Variants in NEK10 observed in about 807,000 individuals in gnomAD.
NEK10 encodes the protein NIMA related kinase 10.
A neutral mutation model predicts 159.8 loss-of-function variants in NEK10; 122 were observed. That is an observed-to-expected ratio of 0.76 (90% CI 0.66 to 0.89). The LOEUF is 0.89. Among genes scored for constraint, NEK10 ranks in the 40% least tolerant of loss-of-function variants. The probability of loss-of-function intolerance (pLI) is 0.00; values close to 1 mark genes in which losing one functional copy is unlikely to be tolerated. For missense variants in NEK10, 1,342 were observed against 1,323.1 expected, an observed-to-expected ratio of 1.01 and a Z score of -0.22; for synonymous variants, 466 against 457.1, an observed-to-expected ratio of 1.02 and a Z score of -0.25.
intron 23 of NEK10, among the ~76,000 whole-genome samples, chr3:27,237,044 G>C (rs1307280170): frequency 6.6e-6 from 1 of 152,016 alleles, no homozygotes; most frequent in Non-Finnish European, 1.5e-5. Flanking sequence ...CTTCCCCTGG[G>C]TATTAATTAT....
At chr3:27,171,117 C>G (rs1946941644) in intron 29 of NEK10, among the ~76,000 whole-genome samples, 1 of 152,242 alleles carries the variant, frequency 6.6e-6, no homozygotes, top group African/African-American at 2.4e-5. Flanking sequence ...TCCCTCTAAT[C>G]TCACCCAGTG....
intron 22 of NEK10, among the ~76,000 whole-genome samples, chr3:27,267,705 C>T (rs527810347): frequency 7.9e-5 from 12 of 152,294 alleles, no homozygotes; most frequent in African/African-American, 2.9e-4. Flanking sequence ...CTCTATGAGC[C>T]TCCTTATCCC....
intron 5 of NEK10, among the ~76,000 whole-genome samples, chr3:27,337,788 T>C (rs551729134): frequency 1.3e-5 from 2 of 152,242 alleles, no homozygotes; most frequent in South Asian, 2.1e-4. Context: ...TCTCTCACCA[T>C]ATACAAAAAT....
At chr3:27,336,137 C>A (rs1233908644) in intron 5 of NEK10, among the ~76,000 whole-genome samples, 4 of 151,818 alleles carry the variant, frequency 2.6e-5, no homozygotes, top group African/African-American at 7.2e-5. Flanking sequence ...CGGAAAGACC[C>A]AGACCAAAAT....
At chr3:27,121,196 G>T (rs1375929745) in intron 32 of NEK10, among the ~76,000 whole-genome samples, 2 of 152,072 alleles carry the variant, frequency 1.3e-5, no homozygotes, top group South Asian at 2.1e-4. Flanking sequence ...TGTCCGTGGA[G>T]AAAAGAATGG....
At position 27,365,860 on chromosome 3, in the gene NEK10, G is replaced by A. The variant is rs180742115; in HGVS notation, c.-38+3365C>T. ...ACTCCTGACCTCAAGTGATCCTCCC[G>A]CCTCGGCCTCCCAAAGTGAGCCATC... On this transcript the variant is annotated intron_variant, in intron 1 of 35. Transcript: ENST00000691995. Among the ~76,000 whole-genome samples the A allele has an allele frequency of 2.3e-4, 35 of 151,906 alleles. No individual in the cohort carries two copies. In the East Asian group the frequency reaches 5.6e-3, roughly 24 times the overall value.
At chr3:27,329,004 T>G (rs959302550) in intron 5 of NEK10, among the ~76,000 whole-genome samples, 1 of 152,254 alleles carries the variant, frequency 6.6e-6, no homozygotes, top group African/African-American at 2.4e-5. Context: ...GGATTGGCTG[T>G]GTCCCCACCC....
At chr3:27,276,437 G>A (rs1382067889) in intron 22 of NEK10, among the ~76,000 whole-genome samples, 2 of 152,110 alleles carry the variant, frequency 1.3e-5, no homozygotes, top group Non-Finnish European at 2.9e-5. Context: ...AGAAGTCCCA[G>A]AGGCATACAG....
At chr3:27,338,942 A>G (rs996921630) in intron 5 of NEK10, among the ~76,000 whole-genome samples, 2 of 152,212 alleles carry the variant, frequency 1.3e-5, no homozygotes, top group Non-Finnish European at 2.9e-5. Context: ...ATAGACAAAT[A>G]GAACTATAAT....
chr3:27,368,950 A>G (rs1230929129), intron 1 of NEK10: 1 of 152,308 alleles, frequency 6.6e-6, no homozygotes, highest in Non-Finnish European at 1.5e-5. Flanking sequence ...TAACCAGAAT[A>G]ATTCCGTTAT....
intron 26 of NEK10, among the ~76,000 whole-genome samples, chr3:27,183,847 C>T (rs1411789259): frequency 6.6e-6 from 1 of 152,066 alleles, no homozygotes; most frequent in East Asian, 1.9e-4. Flanking sequence ...ATGTGCTCAA[C>T]CTCATTGATC....
At chr3:27,328,682 G>A (rs2046187943) in intron 5 of NEK10, among the ~76,000 whole-genome samples, 2 of 152,120 alleles carry the variant, frequency 1.3e-5, no homozygotes, top group Non-Finnish European at 2.9e-5. Context: ...GAAGGCTCTG[G>A]GGAGAGGATT....
chr3:27,246,702 TA>T (rs1955102530), intron 23 of NEK10, among the ~76,000 whole-genome samples: 1 of 152,018 alleles, frequency 6.6e-6, no homozygotes, highest in Middle Eastern at 3.2e-3. Flanking sequence ...CCCTGCCCAC[TA>T]CCCTTCCTAG....
chr3:27,211,849 G>A (rs1951033849), intron 23 of NEK10, among the ~76,000 whole-genome samples: 1 of 152,206 alleles, frequency 6.6e-6, no homozygotes, highest in Non-Finnish European at 1.5e-5. Flanking sequence ...TTTATTAGAT[G>A]CCATGAAGAA....
At chr3:27,331,260 A>ACAC (rs1559513465) in intron 5 of NEK10, among the ~76,000 whole-genome samples, 1 of 139,968 alleles carries the variant, frequency 7.1e-6, no homozygotes, top group Admixed American at 6.9e-5. Context: ...ACAAAAAAAA[A>ACAC]AAACACACAA....
intron 29 of NEK10, among the ~76,000 whole-genome samples, chr3:27,170,828 A>T (rs1211370311): frequency 6.6e-6 from 1 of 152,070 alleles, no homozygotes; most frequent in Non-Finnish European, 1.5e-5. Context: ...CCCTTTCTCC[A>T]GACACAAAGA....
At chr3:27,155,056 C>T (rs914978441) in intron 30 of NEK10, among the ~76,000 whole-genome samples, 12 of 152,308 alleles carry the variant, frequency 7.9e-5, no homozygotes, top group African/African-American at 2.9e-4. Flanking sequence ...ACCCTAAAGA[C>T]TCCTCCAGAA....
At chr3:27,286,276 C>T (rs9863619) in intron 20 of NEK10, among the ~76,000 whole-genome samples, 6,934 of 150,470 alleles carry the variant, frequency 0.046, 285 homozygotes, top group African/African-American at 0.11. Context: ...TTAGTAGAGA[C>T]GGGGTTTCAC....
rs535080173 is a variant in NEK10, at chr3:27,267,445, A to G, written c.2015-11074T>C. 7.2e-5 allele frequency among the ~76,000 whole-genome samples: 11 copies of G among 152,306 alleles called. No individual in the cohort carries two copies. The South Asian group carries it at 2.1e-3, about 29-fold the overall frequency. ...TGGCAACCCTGTATCCAGCAAGCCTATGAGCACCATTTTTTCAACAGCATC... is the reference window on the plus strand; with the variant it reads ...TGGCAACCCTGTATCCAGCAAGCCTGTGAGCACCATTTTTTCAACAGCATC... On this transcript the variant is annotated intron_variant, in intron 22 of 35. Transcript: ENST00000691995.
Sources: gnomAD v4.1 joint callset for allele counts (sites outside exome capture counted in the v4.1 genomes callset) on GRCh38, gnomAD v4.1.1 for gene constraint, MANE v1.5 for transcripts, NCBI Gene and HGNC (gene_info 2026-07-23, HGNC 2026-07-21) for gene names.